Variants in ANO4 observed in about 807,000 individuals in gnomAD.
ANO4 encodes the protein anoctamin-4.
Under a neutral mutation model 141.9 loss-of-function variants are expected in ANO4, and 69 were observed. The ratio of observed to expected loss-of-function variants is 0.49; its 90% CI spans 0.40 to 0.59. The LOEUF (loss-of-function observed/expected upper bound fraction) is 0.59. Ranked by LOEUF, ANO4 falls within the 20% of genes least tolerant of loss-of-function variation. ANO4 has a pLI of 0.00. For synonymous variants in ANO4, 350 were observed against 394.3 expected, an observed-to-expected ratio of 0.89 and a Z score of 1.33; for missense variants, 894 against 1,162.2, an observed-to-expected ratio of 0.77 and a Z score of 3.36.
At chr12:100,910,222 TAAAG>T (rs546495524) in intron 2 of ANO4, among the ~76,000 whole-genome samples, 3 of 152,148 alleles carry the variant, frequency 2.0e-5, no homozygotes, top group Non-Finnish European at 2.9e-5. Context: ...GGTTGATAAA[TAAAG>T]AAATCATTTT....
intron 22 of ANO4, among the ~76,000 whole-genome samples, chr12:101,108,350 A>C (rs1278066076): frequency 6.6e-6 from 1 of 152,192 alleles, no homozygotes. Context: ...TGTAACCAAG[A>C]TGAGGTAGAT....
intron 8 of ANO4, among the ~76,000 whole-genome samples, chr12:101,014,486 T>A (rs1368153814): frequency 6.6e-6 from 1 of 152,034 alleles, no homozygotes; most frequent in Non-Finnish European, 1.5e-5. Flanking sequence ...GCCAGCAAGG[T>A]CTTCCTCATG....
intron 1 of ANO4, among the ~76,000 whole-genome samples, chr12:100,845,526 A>G (rs1466501922): frequency 6.6e-6 from 1 of 152,210 alleles, no homozygotes; most frequent in Non-Finnish European, 1.5e-5. Flanking sequence ...TTTTAGTAAC[A>G]TGAGCCAATA....
chr12:101,048,149 T>TTGC (rs2047705926), intron 13 of ANO4, 192 bp from the exon 14 acceptor site: 7 of 1,040,540 alleles, frequency 6.7e-6, no homozygotes, highest in Non-Finnish European at 9.3e-6. Flanking sequence ...TTGTATCCTC[T>TTGC]ATATATGAAC....
At chr12:100,757,460 A>T (rs970653737) in intron 3 of ANO4, among the ~76,000 whole-genome samples, 1 of 152,186 alleles carries the variant, frequency 6.6e-6, no homozygotes, top group Non-Finnish European at 1.5e-5. Context: ...TCTGCCCAAT[A>T]TTATCTTCGA....
intron 14 of ANO4, among the ~76,000 whole-genome samples, chr12:101,077,301 C>T (rs2049061184): frequency 6.6e-6 from 1 of 152,174 alleles, no homozygotes; most frequent in South Asian, 2.1e-4. Context: ...TGTTTCCTCC[C>T]TACTTTGCTC....
intron 14 of ANO4, among the ~76,000 whole-genome samples, chr12:101,056,216 T>C (rs607744): frequency 0.24 from 35,917 of 152,134 alleles, 4,679 homozygotes; most frequent in East Asian, 0.53. Context: ...AATGTCAGTT[T>C]GGAAAGATTG....
intron 8 of ANO4, among the ~76,000 whole-genome samples, chr12:101,009,019 C>T (rs933675141): frequency 3.3e-5 from 5 of 151,970 alleles, no homozygotes; most frequent in African/African-American, 4.8e-5. Flanking sequence ...AATAAGATTA[C>T]GTGGATGATA....
At chr12:100,953,225 A>G (rs1320462620) in intron 5 of ANO4, among the ~76,000 whole-genome samples, 1 of 152,220 alleles carries the variant, frequency 6.6e-6, no homozygotes, top group African/African-American at 2.4e-5. Flanking sequence ...GTTATGATAA[A>G]TTGCTGAAAA....
chr12:100,774,820 G>A (rs1337832823), intron 3 of ANO4, among the ~76,000 whole-genome samples: 5 of 152,140 alleles, frequency 3.3e-5, no homozygotes, highest in Non-Finnish European at 7.4e-5. Flanking sequence ...TAGCAAAACC[G>A]ATTTTGTTTC....
intron 1 of ANO4, among the ~76,000 whole-genome samples, chr12:100,844,755 C>T (rs1317144206): frequency 7.8e-6 from 1 of 128,900 alleles, no homozygotes; most frequent in Non-Finnish European, 1.7e-5. Context: ...TATGAGGCAT[C>T]CACGTGGAGG....
intron 1 of ANO4, among the ~76,000 whole-genome samples, chr12:100,722,030 A>G (rs921942235): frequency 1.3e-5 from 2 of 152,010 alleles, no homozygotes; most frequent in African/African-American, 4.8e-5. Context: ...CAGTTTTCTC[A>G]TCTGTAAAAT....
chr12:101,073,276 C>T (rs1193613906), intron 14 of ANO4, among the ~76,000 whole-genome samples: 2 of 151,836 alleles, frequency 1.3e-5, no homozygotes, highest in Admixed American at 1.3e-4. Flanking sequence ...TTTACAAGGA[C>T]ATGGATGAAG....
At chr12:100,974,570 C>A (rs571832138) in intron 6 of ANO4, among the ~76,000 whole-genome samples, 232 of 152,080 alleles carry the variant, frequency 1.5e-3, no homozygotes, top group African/African-American at 5.4e-3. Context: ...TATCATACTG[C>A]ACATGCTTTG....
At chr12:100,742,574 A>T (rs949681334) in intron 3 of ANO4, among the ~76,000 whole-genome samples, 1 of 152,174 alleles carries the variant, frequency 6.6e-6, no homozygotes, top group African/African-American at 2.4e-5. Flanking sequence ...TTGGACTGAT[A>T]TAGAGGAGCT....
At chr12:100,916,162 A>G (rs180785331) in intron 2 of ANO4, among the ~76,000 whole-genome samples, 1 of 152,282 alleles carries the variant, frequency 6.6e-6, no homozygotes, top group Non-Finnish European at 1.5e-5. Flanking sequence ...AGACTCTTAA[A>G]AGTCCTTTTT....
At chr12:100,817,000 A>G (rs2035773292) in intron 1 of ANO4, among the ~76,000 whole-genome samples, 1 of 151,608 alleles carries the variant, frequency 6.6e-6, no homozygotes, top group Non-Finnish European at 1.5e-5. Context: ...AAAAACTTAG[A>G]TATTTATCTT....
intron 1 of ANO4, among the ~76,000 whole-genome samples, chr12:100,896,807 T>C (rs1460087774): frequency 6.6e-6 from 1 of 152,054 alleles, no homozygotes; most frequent in African/African-American, 2.4e-5. Flanking sequence ...GCCTAATGGG[T>C]AAAAATGAAG....
At chr12:100,875,656 G>A (rs771044103) in intron 1 of ANO4, among the ~76,000 whole-genome samples, 9 of 152,218 alleles carry the variant, frequency 5.9e-5, no homozygotes, top group Non-Finnish European at 8.8e-5. Flanking sequence ...AGTGGAGACA[G>A]TAGACGTGGT....
Sources: allele counts gnomAD v4.1 joint callset (sites outside exome capture counted in the v4.1 genomes callset), GRCh38; gene constraint gnomAD v4.1.1; transcripts MANE v1.5; gene names NCBI Gene and HGNC (gene_info 2026-07-23, HGNC 2026-07-21).